The following MSRB3 variants were observed in gnomAD, a reference collection of about 807,000 sequenced individuals.
The protein encoded by MSRB3 is methionine sulfoxide reductase B3.
MSRB3 carries 13 observed loss-of-function variants against 21.0 expected under a neutral mutation model. The ratio of observed to expected loss-of-function variants is 0.62; its 90% CI spans 0.40 to 0.98. The LOEUF is 0.98. Among genes scored for constraint, MSRB3 ranks in the 50% least tolerant of loss-of-function variants. The pLI is 0.00. For synonymous variants in MSRB3, 87 were observed against 88.6 expected, an observed-to-expected ratio of 0.98 and a Z score of 0.10; for missense variants, 199 against 230.3, an observed-to-expected ratio of 0.86 and a Z score of 0.88.
intron 1 of MSRB3, among the ~76,000 whole-genome samples, chr12:65,301,689 G>A (rs962783073): frequency 3.9e-5 from 6 of 152,130 alleles, no homozygotes; most frequent in East Asian, 1.9e-4. Context: ...TGAGAATTTC[G>A]TTGATATGGT....
rs188670055 is a variant in MSRB3 at position 65,432,742 on chromosome 12, C to G, written c.293-20986C>G. Among the ~76,000 whole-genome samples the G allele has an allele frequency of 1.3e-4, 20 of 151,924 alleles. No individual in the cohort carries two copies. The East Asian group carries it at 3.7e-3, about 28-fold the overall frequency. ...TGTACCAGTCAGAGAAGCAGTGGTTCAAGCCTGTTGGCTTAATTGCTTTGA... is the reference window on the plus strand; with the variant it reads ...TGTACCAGTCAGAGAAGCAGTGGTTGAAGCCTGTTGGCTTAATTGCTTTGA... On this transcript the variant is annotated intron_variant, in intron 5 of 6. Transcript: ENST00000308259.
intron 5 of MSRB3, among the ~76,000 whole-genome samples, chr12:65,377,375 G>T (rs12319371): frequency 0.015 from 2,219 of 152,180 alleles, 52 homozygotes; most frequent in African/African-American, 0.05. Context: ...GGGATCAAGC[G>T]ATTCTCCTGC....
At chr12:65,447,636 G>C (rs574603018) in intron 5 of MSRB3, among the ~76,000 whole-genome samples, 1 of 152,202 alleles carries the variant, frequency 6.6e-6, no homozygotes, top group South Asian at 2.1e-4. Context: ...AATAACTGTC[G>C]GAATGGTAGG....
chr12:65,368,076 G>A (rs1878113776), intron 4 of MSRB3, among the ~76,000 whole-genome samples: 1 of 152,072 alleles, frequency 6.6e-6, no homozygotes, highest in African/African-American at 2.4e-5. Flanking sequence ...TTTAGGTACA[G>A]AAAGCCACCG....
At chr12:65,352,195 A>G (rs967433194) in intron 4 of MSRB3, among the ~76,000 whole-genome samples, 21 of 152,252 alleles carry the variant, frequency 1.4e-4, no homozygotes, top group African/African-American at 5.1e-4. Flanking sequence ...GCATATAAAC[A>G]GAGCCAACGA....
chr12:65,414,997 A>T (rs1880899151), intron 5 of MSRB3, among the ~76,000 whole-genome samples: 1 of 152,202 alleles, frequency 6.6e-6, no homozygotes, highest in Non-Finnish European at 1.5e-5. Flanking sequence ...GAGAGTCATA[A>T]GATATACAGG....
chr12:65,436,288 G>T (rs371773372), intron 5 of MSRB3, among the ~76,000 whole-genome samples: 65 of 151,932 alleles, frequency 4.3e-4, no homozygotes, highest in African/African-American at 1.3e-3. Context: ...AGTCATCACA[G>T]ATATCTCAAA....
chr12:65,357,617 C>T (rs188517995), intron 4 of MSRB3, among the ~76,000 whole-genome samples: 2 of 152,058 alleles, frequency 1.3e-5, no homozygotes, highest in East Asian at 3.9e-4. Context: ...GGATACCACA[C>T]ATTTAGTCCT....
chr12:65,421,983 C>T (rs997398482), intron 5 of MSRB3, among the ~76,000 whole-genome samples: 1 of 152,052 alleles, frequency 6.6e-6, no homozygotes, highest in African/African-American at 2.4e-5. Flanking sequence ...CTTCAAGAGA[C>T]CCATCTAACA....
chr12:65,357,035 G>T (rs1184524027), intron 4 of MSRB3, among the ~76,000 whole-genome samples: 1 of 151,784 alleles, frequency 6.6e-6, no homozygotes, highest in Non-Finnish European at 1.5e-5. Context: ...TAGCTCACGA[G>T]AATAAACCAG....
intron 4 of MSRB3, among the ~76,000 whole-genome samples, chr12:65,367,918 T>TACAC (rs5798779): frequency 4.2e-4 from 63 of 151,418 alleles, no homozygotes; most frequent in East Asian, 1.4e-3. Flanking sequence ...CATATACATA[T>TACAC]ACACACACAC....
In MSRB3 at chr12:65,351,321, A is replaced by G. The variant is rs1363613542; in HGVS notation, c.264-17677A>G. 2.7e-5 allele frequency among the ~76,000 whole-genome samples: 4 copies of G among 148,188 alleles called. No individual in the cohort carries two copies. The South Asian group carries it at 8.5e-4, about 31-fold the overall frequency. ...GGGACACATTCAAAGAAGTGTGTAG[A>G]GGGAAATTTATAGCACTAAATGCCC... On this transcript the variant is annotated intron_variant, in intron 4 of 6. Coordinates refer to ENST00000308259, the MANE Select transcript of MSRB3 (RefSeq NM_001031679.3).
In MSRB3 at chr12:65,326,976, C is replaced by T. The variant is rs777917377; in HGVS notation, c.185+42C>T. The T allele has an allele frequency of 5.6e-6, 8 of 1,424,314 alleles. No individual in the cohort carries two copies. The South Asian group carries it at 7.1e-5, about 13-fold the overall frequency. 88.2% of individuals were successfully genotyped at this position (1,424,314 alleles called of 1,614,324 possible). On this transcript the variant is annotated intron_variant, in intron 3 of 6. Transcript: ENST00000308259. ...TAAAAAGTCATTAAGAGCTAGATTT[C>T]TTCTCCCCCTGCCCTCTGCAGTGCT...
At position 65,366,031 on chromosome 12, in the gene MSRB3, A is replaced by G. The variant is rs536560735; in HGVS notation, c.264-2967A>G. On this transcript the variant is annotated intron_variant, in intron 4 of 6. Coordinates refer to ENST00000308259, the MANE Select transcript of MSRB3 (RefSeq NM_001031679.3). The stretch of plus-strand genomic sequence containing the variant: ...TGGGCCCCCACCCATTGCTCCTTCT[A>G]TACCCAACAGCCAGGCATCGAGTTC... Among the ~76,000 whole-genome samples the G allele has an allele frequency of 4.0e-3, 615 of 152,180 alleles. 4 individuals are homozygous for G. The highest frequency in any genetic ancestry group is 0.014 in the African/African-American group (573 of 41,520).
chr12:65,414,177 T>C (rs890700723), intron 5 of MSRB3, among the ~76,000 whole-genome samples: 4 of 152,190 alleles, frequency 2.6e-5, no homozygotes, highest in Admixed American at 6.5e-5. Flanking sequence ...ATGACTTCTA[T>C]CTTTAAAAGC....
rs1450208237 is a variant in MSRB3, at chr12:65,463,912, ACT to A, written c.*591_*592del. The A allele has an allele frequency of 1.9e-5, 3 of 154,152 alleles. No individual in the cohort carries two copies. Among genetic ancestry groups the A allele is most frequent in the African/African-American group, 7.2e-5 (3 of 41,430 alleles). 9.5% of individuals were successfully genotyped at this position (154,152 alleles called of 1,614,324 possible). A position where few individuals can be genotyped will look rare whatever the true frequency, so the allele number is the denominator to read the frequency against. On this transcript the variant is annotated 3_prime_UTR_variant, in exon 7 of 7. Coordinates refer to ENST00000308259, the MANE Select transcript of MSRB3 (RefSeq NM_001031679.3). ...ATTGTTGCCAGATCCAAAGGGGCAT[ACT>A]GAGTGTTGTGGCAGAGAAGTAAACA...
chr12:65,403,429 C>T (rs958978172), intron 5 of MSRB3, among the ~76,000 whole-genome samples: 1 of 152,128 alleles, frequency 6.6e-6, no homozygotes, highest in African/African-American at 2.4e-5. Flanking sequence ...CCTACTCAAG[C>T]CTCAGTAATG....
rs1167113887 is a variant in MSRB3, at chr12:65,400,345, T to TA, written c.292+31320dup. ...TTCCTGGTTTAGTCTTGGGAGGGTG[T>TA]ATATGTCCAGGAATTTATCCATTTC... On this transcript the variant is annotated intron_variant, in intron 5 of 6. Coordinates refer to ENST00000308259, the MANE Select transcript of MSRB3 (RefSeq NM_001031679.3). 8.5e-5 allele frequency among the ~76,000 whole-genome samples: 13 copies of TA among 152,190 alleles called. 1 individual carries two copies. In the South Asian group the frequency reaches 2.7e-3, roughly 32 times the overall value.
At chr12:65,342,383 A>G (rs910576863) in intron 4 of MSRB3, among the ~76,000 whole-genome samples, 1 of 151,994 alleles carries the variant, frequency 6.6e-6, no homozygotes, top group African/African-American at 2.4e-5. Context: ...CAAACTTAGG[A>G]AAAAATCTTT....
Sources: gnomAD v4.1 joint callset for allele counts (sites outside exome capture counted in the v4.1 genomes callset) on GRCh38, gnomAD v4.1.1 for gene constraint, MANE v1.5 for transcripts, NCBI Gene and HGNC (gene_info 2026-07-23, HGNC 2026-07-21) for gene names.